Variants in CD28 observed in about 807,000 individuals in gnomAD.
CD28 encodes the protein T-cell-specific surface glycoprotein CD28.
A neutral mutation model predicts 21.4 loss-of-function variants in CD28; 8 were observed. The observed-to-expected ratio is 0.37, with a 90% confidence interval of 0.22 to 0.68. The LOEUF (loss-of-function observed/expected upper bound fraction) is 0.68, where lower values mean the gene tolerates loss of function less well. Ranked by LOEUF, CD28 falls within the 30% of genes least tolerant of loss-of-function variation. CD28 has a pLI of 0.55. For synonymous variants in CD28, 106 were observed against 104.0 expected (o/e 1.02, Z -0.12); for missense variants, 239 against 272.2 (o/e 0.88, Z 0.86).
At chr2:203,709,946 C>G (rs1045365114) in intron 1 of CD28, among the ~76,000 whole-genome samples, 5 of 152,160 alleles carry the variant, frequency 3.3e-5, no homozygotes, top group African/African-American at 1.2e-4. Flanking sequence ...CTGAGAGAGG[C>G]ATGGAAAGCA....
intron 1 of CD28, among the ~76,000 whole-genome samples, chr2:203,722,634 C>A (rs182106128): frequency 3.5e-4 from 54 of 152,254 alleles, no homozygotes; most frequent in Non-Finnish European, 7.1e-4. Context: ...ACTTGGAAAC[C>A]AGGGGCCTAA....
chr2:203,724,027 T>A (rs1693677083), intron 1 of CD28, among the ~76,000 whole-genome samples: 1 of 152,176 alleles, frequency 6.6e-6, no homozygotes, highest in African/African-American at 2.4e-5. Context: ...GGAATATTAT[T>A]TGGCCATGAA....
At position 203,706,753 on chromosome 2, in the gene CD28, A is replaced by G. The variant is rs1185953902; in HGVS notation, c.52+5A>G. The G allele has an allele frequency of 1.3e-6, 2 of 1,596,464 alleles. No individual in the cohort carries two copies. The highest frequency in any genetic ancestry group is 1.1e-5 in the South Asian group (1 of 90,710). Reference sequence around the variant, plus strand: ...TCCCTTCAATTCAAGTAACAGGTAAACAATGTTAATGTCTTTCTTTCTGTA... The same window carrying G: ...TCCCTTCAATTCAAGTAACAGGTAAGCAATGTTAATGTCTTTCTTTCTGTA... On this transcript the variant is annotated splice_donor_5th_base_variant and intron_variant, in intron 1 of 3. Transcript: ENST00000324106.
intron 1 of CD28, 21 bp downstream of exon 1, chr2:203,706,769 T>C (rs1156599755): frequency 1.9e-6 from 3 of 1,558,428 alleles, no homozygotes; most frequent in Non-Finnish European, 2.7e-6. Context: ...TTAATGTCTT[T>C]CTTTCTGTAA....
intron 2 of CD28, 42 bp downstream of exon 2, chr2:203,727,031 T>A: frequency 8.0e-7 from 1 of 1,252,736 alleles, no homozygotes. Context: ...AAAGTAATGG[T>A]TTTCAAATGC....
At chr2:203,719,735 A>G (rs1439178699) in intron 1 of CD28, among the ~76,000 whole-genome samples, 3 of 152,206 alleles carry the variant, frequency 2.0e-5, no homozygotes, top group Non-Finnish European at 2.9e-5. Context: ...GATAAGAGAC[A>G]GCATTTTATA....
intron 1 of CD28, among the ~76,000 whole-genome samples, chr2:203,707,547 A>C (rs1693193277): frequency 6.6e-6 from 1 of 152,232 alleles, no homozygotes. Flanking sequence ...TTTCTTTTAC[A>C]ATCGGCCAAA....
chr2:203,711,515 T>C (rs868646454), intron 1 of CD28, among the ~76,000 whole-genome samples: 1 of 152,228 alleles, frequency 6.6e-6, no homozygotes, highest in East Asian at 1.9e-4. Context: ...CTCCCTTATC[T>C]CTGCATTACC....
chr2:203,709,331 A>T (rs1693250962), intron 1 of CD28, among the ~76,000 whole-genome samples: 1 of 152,062 alleles, frequency 6.6e-6, no homozygotes, highest in Non-Finnish European at 1.5e-5. Context: ...TATGAAGAAT[A>T]GTTCTTTTTT....
At chr2:203,709,297 C>T (rs992526599) in intron 1 of CD28, among the ~76,000 whole-genome samples, 2 of 151,464 alleles carry the variant, frequency 1.3e-5, no homozygotes, top group Non-Finnish European at 1.5e-5. Flanking sequence ...TATCTGTGTG[C>T]GTGCATGTGT....
intron 1 of CD28, among the ~76,000 whole-genome samples, chr2:203,712,017 C>A (rs1693326361): frequency 6.6e-6 from 1 of 151,998 alleles, no homozygotes; most frequent in Non-Finnish European, 1.5e-5. Context: ...TATGGTGAAA[C>A]CCCATCTCTA....
intron 1 of CD28, among the ~76,000 whole-genome samples, chr2:203,708,396 C>T (rs181705787): frequency 1.2e-3 from 185 of 152,286 alleles, no homozygotes; most frequent in African/African-American, 4.3e-3. Flanking sequence ...ATCTCTCAAA[C>T]TTAAAGAATA....
chr2:203,727,251 T>C (rs1693775735), intron 2 of CD28, among the ~76,000 whole-genome samples: 1 of 152,206 alleles, frequency 6.6e-6, no homozygotes, highest in Non-Finnish European at 1.5e-5. Context: ...CAGATCATTT[T>C]TCTCCATTCC....
intron 1 of CD28, among the ~76,000 whole-genome samples, chr2:203,721,388 A>G (rs1181257387): frequency 2.0e-5 from 3 of 152,038 alleles, no homozygotes; most frequent in South Asian, 2.1e-4. Flanking sequence ...TGCTCTGACA[A>G]TCTTGTCTTT....
chr2:203,708,454 C>A (rs139752039), intron 1 of CD28, among the ~76,000 whole-genome samples: 51 of 152,336 alleles, frequency 3.3e-4, no homozygotes, highest in African/African-American at 1.2e-3. Context: ...CCTACCCTGA[C>A]TGAAAACTAT....
rs1430078457 is a variant in CD28 at position 203,738,156 on chromosome 2, A to G, written c.*3244A>G. ...TGTGTTCTGTGTCATGTGAATGCTG[A>G]GAAGTTTGACAGAGATCCAACTTCA... is the stretch of plus-strand genomic sequence containing the variant. On this transcript the variant is annotated 3_prime_UTR_variant, in exon 4 of 4. Coordinates refer to ENST00000324106, the MANE Select transcript of CD28 (RefSeq NM_006139.4). 1 of 152,178 alleles carries G rather than the reference A, an allele frequency of 6.6e-6. No individual in the cohort carries two copies. Among genetic ancestry groups the G allele is most frequent in the Non-Finnish European group, 1.5e-5 (1 of 68,032 alleles). 9.4% of individuals were successfully genotyped at this position (152,178 alleles called of 1,614,324 possible).
intron 3 of CD28, among the ~76,000 whole-genome samples, chr2:203,733,951 T>C (rs1020813715): frequency 6.6e-6 from 1 of 152,204 alleles, no homozygotes; most frequent in African/African-American, 2.4e-5. Flanking sequence ...TCAGGTATCA[T>C]GTCATTCATG....
chr2:203,729,526 C>A, intron 2 of CD28, 122 bp from the exon 3 acceptor site: 1 of 1,046,940 alleles, frequency 9.6e-7, no homozygotes, highest in Non-Finnish European at 1.4e-6. Flanking sequence ...TCTATTCACT[C>A]TAAGCTGGTG....
intron 2 of CD28, 144 bp downstream of exon 2, chr2:203,727,133 T>G (rs571061874): frequency 1.3e-5 from 8 of 623,414 alleles, no homozygotes; most frequent in Non-Finnish European, 2.3e-5. Flanking sequence ...TTCAGAAAAA[T>G]TTTTCCCTTT....
Sources: allele counts gnomAD v4.1 joint callset (sites outside exome capture counted in the v4.1 genomes callset), GRCh38; gene constraint gnomAD v4.1.1; transcripts MANE v1.5; gene names NCBI Gene and HGNC (gene_info 2026-07-23, HGNC 2026-07-21).